RERE: variants seen among roughly 807,000 people sequenced by gnomAD.
RERE encodes the protein arginine-glutamic acid dipeptide repeats, also known as arginine-glutamic acid dipeptide repeats protein.
In RERE, 40 loss-of-function variants were observed where a neutral mutation model predicts 146.1. That is an observed-to-expected ratio of 0.27 (90% confidence interval 0.21 to 0.36). The LOEUF (loss-of-function observed/expected upper bound fraction) is 0.36, where lower values mean the gene tolerates loss of function less well. Ranked by LOEUF, RERE falls within the 10% of genes least tolerant of loss-of-function variation. The pLI, the probability that RERE is intolerant of heterozygous loss-of-function variation, is 1.00. For synonymous variants in RERE, 1,003 were observed against 866.0 expected (o/e 1.16, Z -2.78); for missense variants, 1,933 against 2,138.7 (o/e 0.90, Z 1.90).
chr1:8,743,468 A>G (rs1401879059), intron 1 of RERE, among the ~76,000 whole-genome samples: 1 of 141,618 alleles, frequency 7.1e-6, no homozygotes, highest in Non-Finnish European at 1.5e-5. Flanking sequence ...GGGTTTCACC[A>G]TGTTGGCCAG....
chr1:8,605,745 C>CAAAAAAAAA lies in RERE; in HGVS notation c.522+8807_522+8815dup, dbSNP rs564574812. ...GGGCAACAGAGCAAGACCCCATCTC[C>CAAAAAAAAA]AAAAAAAAAAAAAAAAAAAAAAAAA... is the stretch of plus-strand genomic sequence containing the variant. On this transcript the variant is annotated intron_variant, in intron 4 of 22. Coordinates refer to ENST00000400908, the MANE Select transcript of RERE (RefSeq NM_001042681.2). 9.6e-4 allele frequency among the ~76,000 whole-genome samples: 62 copies of CAAAAAAAAA among 64,528 alleles called. 2 individuals are homozygous for CAAAAAAAAA. Among genetic ancestry groups the CAAAAAAAAA allele is most frequent in the African/African-American group, 2.6e-3 (43 of 16,436 alleles). 42.3% of individuals were successfully genotyped at this position (64,528 alleles called of 152,430 possible). A position where few individuals can be genotyped will look rare whatever the true frequency, so the allele number is the denominator to read the frequency against.
At chr1:8,475,849 T>C (rs1257112215) in intron 10 of RERE, among the ~76,000 whole-genome samples, 1 of 152,204 alleles carries the variant, frequency 6.6e-6, no homozygotes, top group Admixed American at 6.5e-5. Flanking sequence ...ACAATATTTA[T>C]TTTTATTTGG....
chr1:8,809,783 C>G (rs1208829287), intron 1 of RERE, among the ~76,000 whole-genome samples: 1 of 152,078 alleles, frequency 6.6e-6, no homozygotes, highest in Non-Finnish European at 1.5e-5. Context: ...TTTCTGCCTT[C>G]AAGAGATGTA....
At chr1:8,766,926 A>G (rs1186984977) in intron 1 of RERE, among the ~76,000 whole-genome samples, 1 of 152,238 alleles carries the variant, frequency 6.6e-6, no homozygotes, top group Admixed American at 6.5e-5. Context: ...AGTTATGTTT[A>G]TAAGTAGAAC....
chr1:8,394,447 G>A (rs1370939317), intron 12 of RERE, among the ~76,000 whole-genome samples: 1 of 152,098 alleles, frequency 6.6e-6, no homozygotes, highest in Non-Finnish European at 1.5e-5. Flanking sequence ...TACTGTCCTG[G>A]GAAGCAGATA....
At chr1:8,516,150 A>G (rs1375854118) in intron 7 of RERE, among the ~76,000 whole-genome samples, 1 of 147,396 alleles carries the variant, frequency 6.8e-6, no homozygotes, top group Non-Finnish European at 1.5e-5. Context: ...GCTCAAACCC[A>G]GGAGATGGAG....
At chr1:8,427,104 C>T (rs927342666) in intron 11 of RERE, among the ~76,000 whole-genome samples, 1 of 152,188 alleles carries the variant, frequency 6.6e-6, no homozygotes, top group Non-Finnish European at 1.5e-5. Context: ...AATCCTCCCG[C>T]TTTGACCTCC....
At chr1:8,373,540 A>T (rs1218633669) in intron 12 of RERE, among the ~76,000 whole-genome samples, 1 of 152,188 alleles carries the variant, frequency 6.6e-6, no homozygotes, top group Admixed American at 6.5e-5. Context: ...AGAAAGAAGC[A>T]TGGTGTAGAG....
intron 1 of RERE, among the ~76,000 whole-genome samples, chr1:8,683,031 C>CA (rs71580039): frequency 0.35 from 22,813 of 66,090 alleles, 4,299 homozygotes; most frequent in East Asian, 0.61. Flanking sequence ...CTGTCTTTAC[C>CA]AAAAAAAAAA....
chr1:8,457,661 G>A (rs968906639), intron 11 of RERE, among the ~76,000 whole-genome samples: 1 of 152,028 alleles, frequency 6.6e-6, no homozygotes, highest in South Asian at 2.1e-4. Context: ...GGAGTGCAGT[G>A]GCACAATCTT....
At chr1:8,583,657 T>C (rs368356448) in intron 4 of RERE, among the ~76,000 whole-genome samples, 2 of 152,058 alleles carry the variant, frequency 1.3e-5, no homozygotes, top group African/African-American at 2.4e-5. Context: ...AGTAATGGAA[T>C]ATAAATTCTG....
intron 1 of RERE, among the ~76,000 whole-genome samples, chr1:8,804,617 G>A (rs976127646): frequency 6.6e-6 from 1 of 152,138 alleles, no homozygotes; most frequent in African/African-American, 2.4e-5. Context: ...TAATCGAAGG[G>A]ACACAGCAGA....
intron 1 of RERE, among the ~76,000 whole-genome samples, chr1:8,770,892 T>C (rs557704138): frequency 1.3e-5 from 2 of 152,300 alleles, no homozygotes; most frequent in South Asian, 4.1e-4. Context: ...CATCTATCAG[T>C]TGAAAACAGG....
At chr1:8,750,580 T>C in intron 1 of RERE, 2 of 1,010,172 alleles carry the variant, frequency 2.0e-6, no homozygotes, top group Non-Finnish European at 3.1e-6. Flanking sequence ...AGCTTATTTA[T>C]GAAAAAGCAA....
chr1:8,605,844 A>ATTTTTTTTT (rs1646701466), intron 4 of RERE, among the ~76,000 whole-genome samples: 1 of 16,838 alleles, frequency 5.9e-5, no homozygotes, highest in Admixed American at 7.8e-4. Context: ...TAAATACCAA[A>ATTTTTTTTT]CTTTTTTTTT....
Position 8,365,806 on chromosome 1 carries a change from A to G in RERE, c.1447+6T>C, listed in dbSNP as rs749444581. 14 of 1,613,790 alleles carry G rather than the reference A, an allele frequency of 8.7e-6. No individual in the cohort carries two copies. The highest frequency in any genetic ancestry group is 1.2e-5 in the Non-Finnish European group (14 of 1,179,918). On this transcript the variant is annotated splice_donor_region_variant and intron_variant, in intron 13 of 22. Coordinates refer to ENST00000400908, the MANE Select transcript of RERE (RefSeq NM_001042681.2). ...CGCCCACTGTGATGCCAAGACCCCT[A>G]CTCACAGAATTCACTGGACGGGGGT...
intron 1 of RERE, among the ~76,000 whole-genome samples, chr1:8,690,668 T>C (rs928146722): frequency 6.6e-6 from 1 of 152,176 alleles, no homozygotes; most frequent in Non-Finnish European, 1.5e-5. Context: ...TGTGGATAGT[T>C]TCCTTAGGTC....
chr1:8,514,633 C>T (rs1557667797), intron 7 of RERE, among the ~76,000 whole-genome samples: 1 of 151,888 alleles, frequency 6.6e-6, no homozygotes, highest in Non-Finnish European at 1.5e-5. Flanking sequence ...GAGGCTCAGG[C>T]AGGAGAACTG....
intron 10 of RERE, among the ~76,000 whole-genome samples, chr1:8,474,916 A>G: frequency 6.6e-6 from 1 of 152,258 alleles, no homozygotes; most frequent in East Asian, 1.9e-4. Flanking sequence ...GTCTTTTGCT[A>G]TGCAAAATAT....
Sources: gnomAD v4.1 joint callset for allele counts (sites outside exome capture counted in the v4.1 genomes callset) on GRCh38, gnomAD v4.1.1 for gene constraint, MANE v1.5 for transcripts, NCBI Gene and HGNC (gene_info 2026-07-23, HGNC 2026-07-21) for gene names.